Variants in NTRK3 observed in about 807,000 individuals in gnomAD.
The protein encoded by NTRK3 is NT-3 growth factor receptor.
A neutral mutation model predicts 91.7 loss-of-function variants in NTRK3; 24 were observed. The observed-to-expected ratio is 0.26, with a 90% CI of 0.19 to 0.37. The LOEUF (loss-of-function observed/expected upper bound fraction) is 0.37. Among genes scored for constraint, NTRK3 ranks in the 10% least tolerant of loss-of-function variants. NTRK3 has a pLI of 1.00. For missense variants in NTRK3, 880 were observed against 1,068.9 expected (o/e 0.82, Z 2.46); for synonymous variants, 483 against 404.0 (o/e 1.20, Z -2.34).
intron 13 of NTRK3, among the ~76,000 whole-genome samples, chr15:88,081,604 T>A (rs1253533273): frequency 6.6e-6 from 1 of 152,170 alleles, no homozygotes; most frequent in Non-Finnish European, 1.5e-5. Context: ...TCCCTCTGAA[T>A]CGGAAAGGGT....
chr15:87,909,218 C>T (rs2066944085), intron 17 of NTRK3, among the ~76,000 whole-genome samples: 1 of 152,090 alleles, frequency 6.6e-6, no homozygotes, highest in South Asian at 2.1e-4. Flanking sequence ...TTCCCCCTCA[C>T]CACTCAGGAA....
intron 10 of NTRK3, among the ~76,000 whole-genome samples, chr15:88,134,067 C>G (rs1310691411): frequency 6.6e-6 from 1 of 152,136 alleles, no homozygotes; most frequent in Non-Finnish European, 1.5e-5. Context: ...CTGCCTTTTC[C>G]CTTTGTGCAC....
intron 17 of NTRK3, among the ~76,000 whole-genome samples, chr15:87,887,629 G>T (rs1338110432): frequency 1.3e-5 from 2 of 152,056 alleles, no homozygotes; most frequent in Non-Finnish European, 2.9e-5. Context: ...TTCCTCCAAG[G>T]TGACCAATAC....
intron 14 of NTRK3, chr15:87,978,572 T>C (rs1350446834): frequency 1.3e-5 from 3 of 229,998 alleles, no homozygotes; most frequent in African/African-American, 6.6e-5. Flanking sequence ...CCAAAGCTTG[T>C]CGGAACTGCA....
intron 17 of NTRK3, among the ~76,000 whole-genome samples, chr15:87,923,738 T>A (rs2068063488): frequency 6.6e-6 from 1 of 152,192 alleles, no homozygotes; most frequent in African/African-American, 2.4e-5. Flanking sequence ...AATGCAACAG[T>A]GTTGAGAGGT....
intron 17 of NTRK3, among the ~76,000 whole-genome samples, chr15:87,904,299 T>G (rs367793811): frequency 1.3e-5 from 2 of 151,956 alleles, no homozygotes; most frequent in South Asian, 2.1e-4. Context: ...TACAGGCACA[T>G]GCCACCACGC....
chr15:88,001,361 T>C (rs1359155385), intron 14 of NTRK3, among the ~76,000 whole-genome samples: 1 of 152,122 alleles, frequency 6.6e-6, no homozygotes, highest in Non-Finnish European at 1.5e-5. Flanking sequence ...ATATATATAT[T>C]TTTTCTTTTG....
At chr15:88,055,362 G>GA in intron 13 of NTRK3, among the ~76,000 whole-genome samples, 1 of 152,214 alleles carries the variant, frequency 6.6e-6, no homozygotes, top group South Asian at 2.1e-4. Flanking sequence ...AGTTCTAGGA[G>GA]AAAAAGCACT....
At chr15:87,891,312 T>C (rs1488584638) in intron 17 of NTRK3, among the ~76,000 whole-genome samples, 1 of 152,238 alleles carries the variant, frequency 6.6e-6, no homozygotes, top group Non-Finnish European at 1.5e-5. Flanking sequence ...ACCAGTGTAA[T>C]ACACAATTAG....
intron 14 of NTRK3, among the ~76,000 whole-genome samples, chr15:87,972,367 GGAA>G (rs2073328700): frequency 2.6e-5 from 4 of 152,190 alleles, no homozygotes; most frequent in African/African-American, 9.7e-5. Context: ...CCTCAAACTT[GGAA>G]GAAGACAAAA....
At chr15:88,152,077 G>C (rs1006055554) in intron 5 of NTRK3, among the ~76,000 whole-genome samples, 6 of 152,158 alleles carry the variant, frequency 3.9e-5, no homozygotes, top group African/African-American at 1.4e-4. Flanking sequence ...GAGGCAGGTG[G>C]ATCACCTGAT....
chr15:87,968,574 C>G (rs2072988191), intron 14 of NTRK3, among the ~76,000 whole-genome samples: 1 of 152,122 alleles, frequency 6.6e-6, no homozygotes, highest in Non-Finnish European at 1.5e-5. Context: ...ATATCTTCAA[C>G]AAAAGCAACA....
chr15:87,866,074 C>T (rs1170074788), exon 19 of NTRK3: 2 of 229,726 alleles, frequency 8.7e-6, no homozygotes, highest in African/African-American at 4.4e-5. Flanking sequence ...CAGTTATGAT[C>T]TCATTTAGGG....
chr15:87,912,927 AAAAAATATATATATATATATATAT>A (rs1159806341), intron 17 of NTRK3, among the ~76,000 whole-genome samples: 3,275 of 96,250 alleles, frequency 0.034, 240 homozygotes, highest in East Asian at 0.28. Flanking sequence ...AAAAAGTAAA[AAAAAATATATATATATATATATAT>A]ATATATATAT....
rs1259214006 is a variant in NTRK3, at chr15:88,056,199, TA to T, written c.1397-23155del. Among the ~76,000 whole-genome samples the T allele has an allele frequency of 2.0e-3, 186 of 94,508 alleles. 3 individuals are homozygous for T. Among genetic ancestry groups the T allele is most frequent in the African/African-American group, 7.2e-3 (173 of 24,016 alleles). 62.0% of individuals were successfully genotyped at this position (94,508 alleles called of 152,430 possible). On this transcript the variant is annotated intron_variant, in intron 13 of 18. Transcript: ENST00000394480. The stretch of plus-strand genomic sequence containing the variant: ...TCATATATATATATATATATATATA[TA>T]TATTTTTTTTTTAATGTAGAACCTT...
chr15:88,154,646 C>G (rs1343329057), intron 5 of NTRK3, among the ~76,000 whole-genome samples: 4 of 152,190 alleles, frequency 2.6e-5, no homozygotes, highest in Non-Finnish European at 2.9e-5. Context: ...TGACTGGTGT[C>G]TTGACCTTAG....
intron 3 of NTRK3, among the ~76,000 whole-genome samples, chr15:88,245,583 G>A (rs947833294): frequency 6.6e-6 from 1 of 152,154 alleles, no homozygotes; most frequent in African/African-American, 2.4e-5. Context: ...TGGAAAATGA[G>A]CTAGAGGCGG....
At chr15:88,250,585 G>A (rs1203663165) in intron 3 of NTRK3, among the ~76,000 whole-genome samples, 2 of 152,074 alleles carry the variant, frequency 1.3e-5, no homozygotes, top group African/African-American at 4.8e-5. Context: ...CCGGAACTGA[G>A]ATCCTCCACC....
At chr15:87,991,296 G>A (rs940470196) in intron 14 of NTRK3, among the ~76,000 whole-genome samples, 1 of 152,152 alleles carries the variant, frequency 6.6e-6, no homozygotes, top group Non-Finnish European at 1.5e-5. Flanking sequence ...CCAGGAGTTT[G>A]TCAGAAATGC....
Sources: gnomAD v4.1 joint callset for allele counts (sites outside exome capture counted in the v4.1 genomes callset) on GRCh38, gnomAD v4.1.1 for gene constraint, MANE v1.5 for transcripts, NCBI Gene and HGNC (gene_info 2026-07-23, HGNC 2026-07-21) for gene names.